SQOR: variants seen among roughly 807,000 people sequenced by gnomAD.
SQOR encodes sulfide:quinone oxidoreductase, mitochondrial.
SQOR carries 39 observed loss-of-function variants against 48.6 expected under a neutral mutation model. The observed-to-expected ratio is 0.80, with a 90% confidence interval of 0.62 to 1.05. The LOEUF is 1.05. Ranked by LOEUF, SQOR falls within the 50% of genes least tolerant of loss-of-function variation. The pLI is 0.00. For missense variants in SQOR, 561 were observed against 559.9 expected (o/e 1.00, Z -0.02); for synonymous variants, 220 against 206.2 (o/e 1.07, Z -0.57).
At chr15:45,689,689 G>A (rs560578301) in intron 9 of SQOR, among the ~76,000 whole-genome samples, 2 of 152,106 alleles carry the variant, frequency 1.3e-5, no homozygotes, top group Non-Finnish European at 2.9e-5. Context: ...CAATGTGTTG[G>A]GATTACAGGC....
intron 7 of SQOR, among the ~76,000 whole-genome samples, chr15:45,685,758 C>T (rs1890211818): frequency 6.6e-6 from 1 of 152,108 alleles, no homozygotes; most frequent in Non-Finnish European, 1.5e-5. Context: ...CTTTATGGCC[C>T]TCAAAAAGGA....
chr15:45,648,555 G>A (rs1444510979), intron 1 of SQOR, among the ~76,000 whole-genome samples: 1 of 152,234 alleles, frequency 6.6e-6, no homozygotes, highest in Non-Finnish European at 1.5e-5. Context: ...GTAAATAACT[G>A]ATAATAGCAT....
chr15:45,635,159 T>C (rs1759039386), intron 1 of SQOR, 51 bp downstream of exon 1: 1 of 152,286 alleles, frequency 6.6e-6, no homozygotes, highest in African/African-American at 2.4e-5. Context: ...GGAGGGAGAC[T>C]GGGCGGGGAC....
intron 3 of SQOR, among the ~76,000 whole-genome samples, chr15:45,663,303 C>T (rs62008301): frequency 0.19 from 29,182 of 152,098 alleles, 2,944 homozygotes; most frequent in Middle Eastern, 0.28. Context: ...TAGGGGTGAG[C>T]CATTGTGCCC....
chr15:45,688,982 TA>T, intron 8 of SQOR, 56 bp from the exon 9 acceptor site: 1 of 1,438,068 alleles, frequency 7.0e-7, no homozygotes, highest in Non-Finnish European at 9.6e-7. Flanking sequence ...TCTATAGTGT[TA>T]ATATAGTACC....
At chr15:45,667,076 T>G (rs1408120145) in intron 3 of SQOR, among the ~76,000 whole-genome samples, 1 of 56,780 alleles carries the variant, frequency 1.8e-5, no homozygotes, top group Non-Finnish European at 3.2e-5. Context: ...CTCCCTCCCT[T>G]CCTTCCTTCC....
chr15:45,677,384 C>G (rs1051062230), intron 6 of SQOR, among the ~76,000 whole-genome samples: 13 of 152,174 alleles, frequency 8.5e-5, no homozygotes, highest in South Asian at 4.1e-4. Context: ...CCATTATCAA[C>G]TCAGGAAATT....
At chr15:45,655,143 A>G (rs1412129767) in intron 1 of SQOR, among the ~76,000 whole-genome samples, 1 of 152,158 alleles carries the variant, frequency 6.6e-6, no homozygotes, top group Non-Finnish European at 1.5e-5. Context: ...TACCCTCACT[A>G]TCTGCCTAAG....
intron 1 of SQOR, among the ~76,000 whole-genome samples, chr15:45,658,161 C>T (rs1889647105): frequency 6.6e-6 from 1 of 152,202 alleles, no homozygotes; most frequent in African/African-American, 2.4e-5. Context: ...GACTAGTCAG[C>T]AGCATATACA....
At chr15:45,683,004 G>T (rs1890151513) in intron 7 of SQOR, among the ~76,000 whole-genome samples, 1 of 146,472 alleles carries the variant, frequency 6.8e-6, no homozygotes, top group Non-Finnish European at 1.5e-5. Flanking sequence ...TCCAGCCTGG[G>T]TGACAGAGCA....
At chr15:45,651,774 T>C (rs1889496134) in intron 1 of SQOR, among the ~76,000 whole-genome samples, 1 of 152,002 alleles carries the variant, frequency 6.6e-6, no homozygotes, top group African/African-American at 2.4e-5. Flanking sequence ...CGGCCTTGAT[T>C]TTTAAGTGTA....
chr15:45,676,934 G>A (rs548586974), intron 6 of SQOR, among the ~76,000 whole-genome samples: 2 of 152,100 alleles, frequency 1.3e-5, no homozygotes, highest in African/African-American at 4.8e-5. Flanking sequence ...CCAGCTACCC[G>A]GGAGGCTGAG....
At chr15:45,636,262 A>G (rs1895003702) in intron 1 of SQOR, among the ~76,000 whole-genome samples, 1 of 152,200 alleles carries the variant, frequency 6.6e-6, no homozygotes, top group Non-Finnish European at 1.5e-5. Context: ...CGAATGCGTT[A>G]TTTAATAACA....
chr15:45,646,099 ATT>A, intron 1 of SQOR: 2 of 152,350 alleles, frequency 1.3e-5, no homozygotes, highest in East Asian at 3.9e-4. Flanking sequence ...GAAACCCCAG[ATT>A]TGAAGCCCCA....
chr15:45,677,449 C>T (rs1031979550), intron 6 of SQOR, among the ~76,000 whole-genome samples: 1 of 152,172 alleles, frequency 6.6e-6, no homozygotes, highest in Non-Finnish European at 1.5e-5. Flanking sequence ...AGTTGATTGG[C>T]CCAACTGTGT....
chr15:45,676,046 A>C (rs1890029544), intron 5 of SQOR, 55 bp from the exon 6 acceptor site: 2 of 1,528,324 alleles, frequency 1.3e-6, no homozygotes, highest in Non-Finnish European at 1.8e-6. Flanking sequence ...GATTAAAAAA[A>C]AAAAAGGCAG....
At chr15:45,657,848 G>C (rs570916335) in intron 1 of SQOR, among the ~76,000 whole-genome samples, 7 of 152,088 alleles carry the variant, frequency 4.6e-5, no homozygotes, top group South Asian at 2.1e-4. Flanking sequence ...TTTAATAAAG[G>C]GTTCTTGGAG....
chr15:45,656,473 A>G (rs1375030505), intron 1 of SQOR, among the ~76,000 whole-genome samples: 1 of 150,274 alleles, frequency 6.7e-6, no homozygotes, highest in East Asian at 2.0e-4. Context: ...TTTTTTTTAA[A>G]TAGAGTTGGG....
chr15:45,689,403 C>T (rs1890281272), intron 9 of SQOR, 186 bp downstream of exon 9: 2 of 469,984 alleles, frequency 4.3e-6, no homozygotes, highest in Non-Finnish European at 7.4e-6. Context: ...AGTACTCTAT[C>T]ATCTGCTACC....
Sources: allele counts gnomAD v4.1 joint callset (sites outside exome capture counted in the v4.1 genomes callset), GRCh38; gene constraint gnomAD v4.1.1; transcripts MANE v1.5; gene names NCBI Gene and HGNC (gene_info 2026-07-23, HGNC 2026-07-21).